Variants in SAMD5 observed in about 807,000 individuals in gnomAD.
SAMD5 encodes the protein sterile alpha motif domain-containing protein 5.
A neutral mutation model predicts 11.3 loss-of-function variants in SAMD5; 13 were observed. The observed-to-expected ratio is 1.15, with a 90% confidence interval of 0.75 to 1.83. The LOEUF (loss-of-function observed/expected upper bound fraction) is 1.83. Among genes scored for constraint, SAMD5 ranks in the 40% most tolerant of loss-of-function variants. SAMD5 has a pLI of 0.00. For synonymous variants in SAMD5, 129 were observed against 111.3 expected (o/e 1.16, Z -1.00); for missense variants, 255 against 239.1 (o/e 1.07, Z -0.44).
intron 1 of SAMD5, among the ~76,000 whole-genome samples, chr6:147,722,013 A>G (rs1299592031): frequency 6.6e-6 from 1 of 152,190 alleles, no homozygotes; most frequent in Non-Finnish European, 1.5e-5. Flanking sequence ...TAAAAGAAAG[A>G]AAAAAATATG....
chr6:147,819,030 A>G, the SAMD5 span, among the ~76,000 whole-genome samples: 2 of 152,214 alleles, frequency 1.3e-5, no homozygotes, highest in African/African-American at 4.8e-5. Context: ...ATGCATGCAT[A>G]TGTTCATCAC....
At chr6:147,689,496 A>G (rs537804461) in intron 1 of SAMD5, among the ~76,000 whole-genome samples, 23 of 152,354 alleles carry the variant, frequency 1.5e-4, no homozygotes, top group African/African-American at 5.1e-4. Flanking sequence ...GACAGTGTAT[A>G]TAAAACATAG....
At chr6:147,885,127 C>T in the SAMD5 span, among the ~76,000 whole-genome samples, 1 of 152,132 alleles carries the variant, frequency 6.6e-6, no homozygotes, top group East Asian at 1.9e-4. Context: ...GCCAGTATTG[C>T]TTTTGTCTCT....
intron 1 of SAMD5, among the ~76,000 whole-genome samples, chr6:147,651,242 C>T (rs890680354): frequency 6.6e-6 from 1 of 152,156 alleles, no homozygotes; most frequent in African/African-American, 2.4e-5. Context: ...AAATAGCAAA[C>T]GATTACGGTC....
chr6:147,924,458 AATC>A, the SAMD5 span, among the ~76,000 whole-genome samples: 5 of 152,122 alleles, frequency 3.3e-5, no homozygotes, highest in Non-Finnish European at 7.4e-5. Context: ...TATGGCCTGT[AATC>A]ATGTGTGTGC....
At chr6:147,732,208 A>G (rs1205256329) in intron 1 of SAMD5, among the ~76,000 whole-genome samples, 1 of 152,182 alleles carries the variant, frequency 6.6e-6, no homozygotes, top group African/African-American at 2.4e-5. Context: ...GGCCTTCTGA[A>G]CAATTGCGTG....
At chr6:147,777,420 C>T in the SAMD5 span, among the ~76,000 whole-genome samples, 7 of 152,166 alleles carry the variant, frequency 4.6e-5, no homozygotes, top group South Asian at 2.1e-4. Flanking sequence ...TTTCCTTCCA[C>T]GAAACTATTT....
chr6:147,557,216 T>C (rs1044625138), intron 1 of SAMD5, among the ~76,000 whole-genome samples: 20 of 152,212 alleles, frequency 1.3e-4, no homozygotes, highest in African/African-American at 4.8e-4. Context: ...TTTTATATTC[T>C]GAATAAAAAT....
intron 1 of SAMD5, among the ~76,000 whole-genome samples, chr6:147,597,242 G>A (rs948147235): frequency 1.3e-5 from 2 of 152,174 alleles, no homozygotes; most frequent in Admixed American, 1.3e-4. Flanking sequence ...TAAGAGTACA[G>A]CTGTCTGATT....
At position 147,567,211 on chromosome 6, in the gene SAMD5, C is replaced by T. The variant is rs1216451255; in HGVS notation, c.*2755C>T. 4.1e-6 allele frequency: 4 copies of T among 984,938 alleles called. No individual in the cohort carries two copies. Among genetic ancestry groups the T allele is most frequent in the Non-Finnish European group, 4.8e-6 (4 of 829,650 alleles). The allele number at this position is 984,938 out of a possible 1,614,324, so 61.0% of individuals were successfully genotyped here. ...CGTAATGTTAAGGGCTTCTTCCTTACCCAAGTGGGAGCTGAACCAGTAATT... is the reference window on the plus strand; with the variant it reads ...CGTAATGTTAAGGGCTTCTTCCTTATCCAAGTGGGAGCTGAACCAGTAATT... On this transcript the variant is annotated 3_prime_UTR_variant, in exon 2 of 2. Coordinates refer to ENST00000367474, the MANE Select transcript of SAMD5 (RefSeq NM_001030060.3).
At chr6:147,555,698 C>T (rs184721048) in intron 1 of SAMD5, among the ~76,000 whole-genome samples, 8 of 152,236 alleles carry the variant, frequency 5.3e-5, no homozygotes, top group South Asian at 2.1e-4. Context: ...AAAAGTCAAT[C>T]AAAAGTTGAA....
intron 1 of SAMD5, among the ~76,000 whole-genome samples, chr6:147,736,256 C>T (rs1420545879): frequency 2.0e-5 from 3 of 152,080 alleles, no homozygotes; most frequent in African/African-American, 7.2e-5. Context: ...GTACAAAGAA[C>T]GATGCCTGCC....
chr6:147,647,706 G>A (rs957037977), intron 1 of SAMD5, among the ~76,000 whole-genome samples: 2 of 152,112 alleles, frequency 1.3e-5, no homozygotes, highest in African/African-American at 2.4e-5. Context: ...GCCTTCATTA[G>A]GGCTTCTTGA....
At chr6:147,615,528 TTAA>T (rs1365903414) in intron 1 of SAMD5, among the ~76,000 whole-genome samples, 3 of 152,142 alleles carry the variant, frequency 2.0e-5, no homozygotes, top group Non-Finnish European at 4.4e-5. Flanking sequence ...TACATCAAAA[TTAA>T]TAAAACAGAA....
the SAMD5 span, among the ~76,000 whole-genome samples, chr6:147,775,223 G>A: frequency 2.8e-5 from 4 of 142,496 alleles, no homozygotes; most frequent in African/African-American, 1.0e-4. Flanking sequence ...GATGATGTGG[G>A]TTCAAATCCT....
the SAMD5 span, among the ~76,000 whole-genome samples, chr6:147,763,875 T>G: frequency 6.6e-6 from 1 of 152,202 alleles, no homozygotes; most frequent in Non-Finnish European, 1.5e-5. Context: ...AGCCACAATA[T>G]TGATTTTTAA....
At chr6:147,627,830 A>G (rs891943082) in intron 1 of SAMD5, among the ~76,000 whole-genome samples, 1 of 152,238 alleles carries the variant, frequency 6.6e-6, no homozygotes, top group Admixed American at 6.5e-5. Flanking sequence ...AGTGGCAAAA[A>G]TGAAACTTTA....
chr6:147,577,925 G>T (rs902391323), intron 1 of SAMD5, among the ~76,000 whole-genome samples: 1 of 152,066 alleles, frequency 6.6e-6, no homozygotes, highest in African/African-American at 2.4e-5. Flanking sequence ...AATTGGAAAA[G>T]AATAAACCAA....
chr6:147,573,429 C>A, downstream of SAMD5, among the ~76,000 whole-genome samples: 1 of 152,158 alleles, frequency 6.6e-6, no homozygotes, highest in South Asian at 2.1e-4. Flanking sequence ...TGAGAACTAA[C>A]TCACTATAAT....
Sources: gnomAD v4.1 joint callset for allele counts (sites outside exome capture counted in the v4.1 genomes callset) on GRCh38, gnomAD v4.1.1 for gene constraint, MANE v1.5 for transcripts, NCBI Gene and HGNC (gene_info 2026-07-23, HGNC 2026-07-21) for gene names.